CRAMP1: variants seen among roughly 807,000 people sequenced by gnomAD.
CRAMP1 encodes cramped chromatin regulator 1.
A neutral mutation model predicts 115.4 loss-of-function variants in CRAMP1; 50 were observed. The observed-to-expected ratio is 0.43, with a 90% CI of 0.35 to 0.55. The LOEUF (loss-of-function observed/expected upper bound fraction) is 0.55. CRAMP1 is among the 20% of genes least tolerant of loss of function. CRAMP1 has a pLI of 0.01. For missense variants in CRAMP1, 1,679 were observed against 1,721.7 expected (o/e 0.98, Z 0.44); for synonymous variants, 866 against 745.4 (o/e 1.16, Z -2.64).
Position 1,668,015 on chromosome 16 carries a change from C to T in CRAMP1, c.3156C>T (p.Gly1052=). ...SELPKAPLQN[G]LSIPLSSSES... is the part of the protein sequence containing the mutation. ...TGCCCAAGGCCCCTCTCCAGAATGG[C>T]CTCTCCATACCGCTGTCCTCGTCAG... is the stretch of plus-strand genomic sequence containing the variant. Residue 1052 remains glycine (G), a synonymous_variant, in exon 18 of 21, where the codon GGC becomes GGT. Transcript: ENST00000397412. 1 of 1,613,782 alleles carries T rather than the reference C, an allele frequency of 6.2e-7. No homozygotes were observed. The highest frequency in any genetic ancestry group is 1.1e-5 in the South Asian group (1 of 91,080).
rs747446342 is a variant in CRAMP1 at position 1,656,129 on chromosome 16, C to A, written c.1372C>A (p.Arg458=). ...CATCCAGAGTGGGCAGGGCACGGCC[C>A]GGGGCCAGGTGAAATGCCCGCGGAG... is the stretch of plus-strand genomic sequence containing the variant. The part of the protein sequence containing the change: ...LGIQSGQGTA[R]GQVKCPRSGA... Residue 458 remains arginine (R), a synonymous_variant, in exon 10 of 21, where the codon CGG becomes AGG. Transcript: ENST00000397412. The surrounding 1 kb of genome is among the most constrained non-coding windows in gnomAD (Gnocchi z 5.6). The A allele has an allele frequency of 3.1e-6, 5 of 1,608,506 alleles. No homozygotes were observed. Among genetic ancestry groups the A allele is most frequent in the Non-Finnish European group, 3.4e-6 (4 of 1,178,228 alleles).
rs2036400400 is a variant in CRAMP1 at position 1,614,593 on chromosome 16, C to T, written c.-1-46C>T. ...AGCGCGTCGGGGCCGCTAAACTTCCCGGCCTGCGCCCGCCTCACCGGCCGC... is the reference window on the plus strand; with the variant it reads ...AGCGCGTCGGGGCCGCTAAACTTCCTGGCCTGCGCCCGCCTCACCGGCCGC... On this transcript the variant is annotated intron_variant, in intron 1 of 20. Coordinates refer to ENST00000397412, the MANE Select transcript of CRAMP1 (RefSeq NM_020825.4). The surrounding 1 kb of genome is among the most constrained non-coding windows in gnomAD (Gnocchi z 4.4). The T allele has an allele frequency of 5.1e-6, 6 of 1,169,852 alleles. No homozygotes were observed. In the East Asian group the frequency reaches 2.0e-4, roughly 39 times the overall value. The allele number at this position is 1,169,852 out of a possible 1,614,324, so 72.5% of individuals were successfully genotyped here. A position where few individuals can be genotyped will look rare whatever the true frequency, so the allele number is the denominator to read the frequency against.
chr16:1,631,995 C>G (rs1406639611), intron 3 of CRAMP1, among the ~76,000 whole-genome samples: 3 of 152,202 alleles, frequency 2.0e-5, no homozygotes, highest in African/African-American at 7.2e-5. Context: ...TCTGATGGTT[C>G]TGTTCCTGGT....
chr16:1,626,218 C>T, intron 3 of CRAMP1, 52 bp downstream of exon 3: 2 of 1,404,072 alleles, frequency 1.4e-6, no homozygotes, highest in Non-Finnish European at 1.9e-6. Context: ...CCTCTCGGAT[C>T]CCTGCCCTCC....
At chr16:1,634,842 TCAAA>T (rs1428245426) in intron 4 of CRAMP1, among the ~76,000 whole-genome samples, 1 of 152,220 alleles carries the variant, frequency 6.6e-6, no homozygotes, top group Non-Finnish European at 1.5e-5. Context: ...TCATTGCGCA[TCAAA>T]CAGAGTGGCA....
At chr16:1,653,503 G>A (rs1378573891) in intron 8 of CRAMP1, among the ~76,000 whole-genome samples, 5 of 152,336 alleles carry the variant, frequency 3.3e-5, no homozygotes, top group Admixed American at 1.3e-4. Context: ...AGGCGCCATC[G>A]TGGAAATGGA....
At chr16:1,625,387 G>C (rs537873935) in intron 2 of CRAMP1, among the ~76,000 whole-genome samples, 227 of 152,234 alleles carry the variant, frequency 1.5e-3, no homozygotes, top group African/African-American at 5.2e-3. Flanking sequence ...GATTTGCAAG[G>C]TTATCAGGTC....
At chr16:1,629,740 G>A (rs991723941) in intron 3 of CRAMP1, among the ~76,000 whole-genome samples, 12 of 152,188 alleles carry the variant, frequency 7.9e-5, no homozygotes, top group East Asian at 1.9e-4. Flanking sequence ...GGCCTTTCAC[G>A]TGCTGCTTCG....
chr16:1,614,058 T>C lies in CRAMP1; in HGVS notation c.-1-581T>C, dbSNP rs1444242004. On this transcript the variant is annotated intron_variant, in intron 1 of 20. Coordinates refer to ENST00000397412, the MANE Select transcript of CRAMP1 (RefSeq NM_020825.4). This position sits in a 1 kb window ranked among gnomAD's most constrained non-coding sequence, Gnocchi z 4.4. ...TCCTCTGTCCTCCTCCAGGGCCAGCTCTGGGGGCCGGCGCGTGGGGCAGGT... is the reference window on the plus strand; with the variant it reads ...TCCTCTGTCCTCCTCCAGGGCCAGCCCTGGGGGCCGGCGCGTGGGGCAGGT... Among the ~76,000 whole-genome samples the C allele has an allele frequency of 7.2e-6, 1 of 139,004 alleles. No homozygotes were observed. The highest frequency in any genetic ancestry group is 2.5e-4 in the East Asian group (1 of 4,012). The allele number at this position is 139,004 out of a possible 152,430, so 91.2% of individuals were successfully genotyped here.
intron 4 of CRAMP1, among the ~76,000 whole-genome samples, chr16:1,634,422 G>C (rs895385005): frequency 6.6e-6 from 1 of 151,980 alleles, no homozygotes; most frequent in Admixed American, 6.5e-5. Flanking sequence ...TTGCTGGTGC[G>C]AGGAGGCCTC....
chr16:1,619,420 A>G (rs2036447719), intron 2 of CRAMP1, among the ~76,000 whole-genome samples: 1 of 152,112 alleles, frequency 6.6e-6, no homozygotes, highest in Non-Finnish European at 1.5e-5. Context: ...AGCTCAGGTG[A>G]TCCGCCTGCC....
Position 1,655,729 on chromosome 16 carries a change from AGTG to A in CRAMP1, c.1120-144_1120-142del, listed in dbSNP as rs1400250293. On this transcript the variant is annotated intron_variant, in intron 9 of 20. Coordinates refer to ENST00000397412, the MANE Select transcript of CRAMP1 (RefSeq NM_020825.4). ...AGTGCCCGGGTCAGCATTGTTGGGT[AGTG>A]GTGTGAGGAAAGCCACGGGTGGTGG... The A allele has an allele frequency of 6.5e-6, 5 of 773,026 alleles. No homozygotes were observed. In the East Asian group the frequency reaches 1.3e-4, roughly 21 times the overall value. 47.9% of individuals were successfully genotyped at this position (773,026 alleles called of 1,614,324 possible).
At chr16:1,642,694 G>A (rs575732451) in intron 6 of CRAMP1, among the ~76,000 whole-genome samples, 4 of 152,252 alleles carry the variant, frequency 2.6e-5, no homozygotes, top group Non-Finnish European at 5.9e-5. Flanking sequence ...GGTTTCTGAT[G>A]TCAGCTGACC....
intron 4 of CRAMP1, among the ~76,000 whole-genome samples, chr16:1,635,303 G>T (rs1467246683): frequency 6.6e-6 from 1 of 152,210 alleles, no homozygotes; most frequent in Non-Finnish European, 1.5e-5. Flanking sequence ...GCGTGGAAGG[G>T]ACTGACTCCG....
chr16:1,653,837 A>AG (rs2036745909), intron 8 of CRAMP1, among the ~76,000 whole-genome samples: 2 of 142,962 alleles, frequency 1.4e-5, no homozygotes, highest in Non-Finnish European at 3.0e-5. Flanking sequence ...AAAAAAAAAA[A>AG]CAAACAAAAA....
intron 5 of CRAMP1, among the ~76,000 whole-genome samples, chr16:1,639,331 C>G (rs1161670357): frequency 1.3e-5 from 2 of 151,802 alleles, no homozygotes; most frequent in Non-Finnish European, 2.9e-5. Context: ...GTACACTCCA[C>G]AGGGTGGGAG....
chr16:1,643,985 A>G (rs113340933), intron 6 of CRAMP1, among the ~76,000 whole-genome samples: 2 of 152,374 alleles, frequency 1.3e-5, no homozygotes, highest in African/African-American at 4.8e-5. Context: ...GTGTTGAGGT[A>G]GCTCACCTGG....
intron 2 of CRAMP1, among the ~76,000 whole-genome samples, chr16:1,620,925 ATT>A (rs34597800): frequency 6.8e-6 from 1 of 146,650 alleles, no homozygotes; most frequent in African/African-American, 2.5e-5. Context: ...CCCCCATTTC[ATT>A]TTTTTTTTTA....
In CRAMP1 at chr16:1,674,163, C is replaced by G; in HGVS notation, c.*118C>G. 1 of 1,034,490 alleles carries G rather than the reference C, an allele frequency of 9.7e-7. No homozygotes were observed. Among genetic ancestry groups the G allele is most frequent in the Non-Finnish European group, 1.4e-6 (1 of 726,434 alleles). 64.1% of individuals were successfully genotyped at this position (1,034,490 alleles called of 1,614,324 possible). On this transcript the variant is annotated 3_prime_UTR_variant, in exon 21 of 21. Coordinates refer to ENST00000397412, the MANE Select transcript of CRAMP1 (RefSeq NM_020825.4). ...TCCGCACCCAAGACTGTGCAACGGG[C>G]AGGAACGTGGTCACAGAGCTGCTTC...
Sources: allele counts gnomAD v4.1 joint callset (sites outside exome capture counted in the v4.1 genomes callset), GRCh38; gene constraint gnomAD v4.1.1; non-coding constraint Gnocchi (gnomAD v3.1); transcripts MANE v1.5; gene names NCBI Gene and HGNC (gene_info 2026-07-23, HGNC 2026-07-21).